The following ZGRF1 variants were observed in gnomAD, a reference collection of about 807,000 sequenced individuals.
ZGRF1 encodes zinc finger GRF-type containing 1.
A neutral mutation model predicts 203.5 loss-of-function variants in ZGRF1; 196 were observed. The observed-to-expected ratio is 0.96, with a 90% CI of 0.86 to 1.08. ZGRF1 has a LOEUF of 1.08. ZGRF1 is among the 50% of genes least tolerant of loss of function. The pLI, the probability that ZGRF1 is intolerant of heterozygous loss-of-function variation, is 0.00. For synonymous variants in ZGRF1, 809 were observed against 841.3 expected (o/e 0.96, Z 0.66); for missense variants, 2,326 against 2,416.3 (o/e 0.96, Z 0.78).
At position 112,619,345 on chromosome 4, in the gene ZGRF1, C is replaced by T. The variant is rs777784581; in HGVS notation, c.697G>A (p.Val233Met). The T allele has an allele frequency of 1.6e-5, 26 of 1,612,494 alleles. No homozygotes were observed. Among genetic ancestry groups the T allele is most frequent in the Non-Finnish European group, 2.0e-5 (23 of 1,179,278 alleles). ...TGAGATGCCAAACTATCTCTTTTCA[C>T]AGGCTCATTGGTCAGTAAAGAGTCT... ...LSDSLLTNEP[V>M]KRDSLASHYS... is the part of the protein sequence containing the mutation. The change falls in exon 6 of 28, where the codon GTG (valine) becomes ATG (methionine). Residue 233 changes from valine (V) to methionine (M), a missense_variant. By Grantham distance (21) the Val-to-Met change is conservative. Coordinates refer to ENST00000505019, the MANE Select transcript of ZGRF1 (RefSeq NM_018392.5).
chr4:112,587,685 A>G lies in ZGRF1; in HGVS notation c.3372T>C (p.Ser1124=), dbSNP rs756232298. Residue 1124 remains serine (S), a synonymous_variant, in exon 12 of 28, where the codon TCT becomes TCC. Transcript: ENST00000505019. ...EPEDQNETFF[S]EESREVNPGD... is the part of the protein sequence containing the mutation. ...CTGGATTCACTTCCCTAGATTCTTCAGAGAAAAAGGTTTCATTTTGGTCCT... is the reference window on the plus strand; with the variant it reads ...CTGGATTCACTTCCCTAGATTCTTCGGAGAAAAAGGTTTCATTTTGGTCCT... 1.2e-5 allele frequency: 19 copies of G among 1,611,280 alleles called. No homozygotes were observed. In the South Asian group the frequency reaches 1.3e-4, roughly 11 times the overall value.
intron 16 of ZGRF1, among the ~76,000 whole-genome samples, chr4:112,569,790 G>C (rs1229121849): frequency 6.6e-6 from 1 of 151,886 alleles, no homozygotes; most frequent in Non-Finnish European, 1.5e-5. Flanking sequence ...TTAAAATTGA[G>C]ACATATGCTG....
intron 10 of ZGRF1, among the ~76,000 whole-genome samples, chr4:112,599,063 A>G (rs1280428457): frequency 6.6e-6 from 1 of 152,112 alleles, no homozygotes; most frequent in Non-Finnish European, 1.5e-5. Context: ...AAACAAAAAA[A>G]TCAGAGTCAA....
chr4:112,574,852 CCT>C (rs1187649539), intron 16 of ZGRF1, among the ~76,000 whole-genome samples: 3 of 151,912 alleles, frequency 2.0e-5, no homozygotes, highest in South Asian at 2.1e-4. Context: ...ATGGTGAAAC[CCT>C]GTCTCTACTA....
chr4:112,592,828 T>A (rs1748403807), intron 10 of ZGRF1, among the ~76,000 whole-genome samples: 1 of 152,224 alleles, frequency 6.6e-6, no homozygotes, highest in Non-Finnish European at 1.5e-5. Flanking sequence ...GTTGAAGCCT[T>A]AACCTCCAAT....
chr4:112,564,872 T>A (rs1425790267), intron 16 of ZGRF1: 1 of 619,184 alleles, frequency 1.6e-6, no homozygotes. Flanking sequence ...TTCTTTTTAC[T>A]GAATTGTGTT....
intron 14 of ZGRF1, among the ~76,000 whole-genome samples, chr4:112,584,580 T>A (rs961362782): frequency 1.3e-5 from 2 of 152,188 alleles, no homozygotes; most frequent in Non-Finnish European, 2.9e-5. Flanking sequence ...AAAACTCAGA[T>A]GATACATTTT....
At chr4:112,601,387 T>TCTA (rs753695401) in intron 10 of ZGRF1, among the ~76,000 whole-genome samples, 1 of 151,934 alleles carries the variant, frequency 6.6e-6, no homozygotes, top group Non-Finnish European at 1.5e-5. Flanking sequence ...TTAAGCTAGT[T>TCTA]CTAAATGTAT....
At chr4:112,540,395 G>T (rs1737332796) in intron 26 of ZGRF1, among the ~76,000 whole-genome samples, 1 of 126,310 alleles carries the variant, frequency 7.9e-6, no homozygotes, top group Non-Finnish European at 1.8e-5. Context: ...TAATGAAACA[G>T]ATAAAAAATA....
chr4:112,602,682 G>C lies in ZGRF1; in HGVS notation c.2976+842C>G, dbSNP rs142822651. ...AATGGATAAATTGGGATATATTTAT[G>C]CAACAGAATACTACACCAGCAATTA... On this transcript the variant is annotated intron_variant, in intron 10 of 27. Transcript: ENST00000505019. Among the ~76,000 whole-genome samples the C allele has an allele frequency of 5.3e-5, 8 of 152,246 alleles. No homozygotes were observed. The East Asian group carries it at 1.2e-3, about 22-fold the overall frequency.
At chr4:112,558,604 C>A (rs1237816638) in intron 19 of ZGRF1, among the ~76,000 whole-genome samples, 2 of 152,218 alleles carry the variant, frequency 1.3e-5, no homozygotes, top group East Asian at 3.8e-4. Flanking sequence ...AGTGATCCAC[C>A]TGCCTTGGCC....
intron 16 of ZGRF1, among the ~76,000 whole-genome samples, chr4:112,573,185 C>G (rs1223088492): frequency 6.6e-6 from 1 of 151,614 alleles, no homozygotes; most frequent in Non-Finnish European, 1.5e-5. Context: ...CACACACACA[C>G]ACACACACAC....
Position 112,631,979 on chromosome 4 carries a change from G to C in ZGRF1, c.53C>G (p.Ser18Ter), listed in dbSNP as rs770209994. 1 of 1,592,694 alleles carries C rather than the reference G, an allele frequency of 6.3e-7. No individual in the cohort carries two copies. The highest frequency in any genetic ancestry group is 1.2e-5 in the South Asian group (1 of 85,770). ...VLYTHQKMKKSKVWQDGILKI... is the reference protein window; with the variant it reads ...VLYTHQKMKK ...CAGAATTCCATCTTGCCACACTTTTGACTTCTTCATCTTTTGATGAGTATA... is the reference window on the plus strand; with the variant it reads ...CAGAATTCCATCTTGCCACACTTTTCACTTCTTCATCTTTTGATGAGTATA... Residue 18 changes from serine (S) to a stop codon, truncating the protein, a stop_gained, in exon 3 of 28, where the codon TCA becomes TGA. Coordinates refer to ENST00000505019, the MANE Select transcript of ZGRF1 (RefSeq NM_018392.5). LOFTEE classifies it high-confidence loss of function.
In ZGRF1 at chr4:112,587,676, A is replaced by G; in HGVS notation, c.3381T>C (p.Ser1127=). ...AAACATCCCCTGGATTCACTTCCCT[A>G]GATTCTTCAGAGAAAAAGGTTTCAT... ...DQNETFFSEE[S]REVNPGDVSL... Residue 1127 remains serine (S), a synonymous_variant, in exon 12 of 28, where the codon TCT becomes TCC. Coordinates refer to ENST00000505019, the MANE Select transcript of ZGRF1 (RefSeq NM_018392.5). 1 of 1,612,512 alleles carries G rather than the reference A, an allele frequency of 6.2e-7. No individual in the cohort carries two copies. The highest frequency in any genetic ancestry group is 8.5e-7 in the Non-Finnish European group (1 of 1,179,108).
chr4:112,632,019 C>CA lies in ZGRF1; in HGVS notation c.22-10dup. On this transcript the variant is annotated splice_polypyrimidine_tract_variant and intron_variant, in intron 2 of 27. Transcript: ENST00000505019. Reference sequence around the variant, plus strand: ...TGATGAGTATATAGAACCTTATTTCCAAAAATACAAAAGAAATGGTTTCCA... The same window carrying CA: ...TGATGAGTATATAGAACCTTATTTCCAAAAAATACAAAAGAAATGGTTTCCA... 3 of 1,350,758 alleles carry CA rather than the reference C, an allele frequency of 2.2e-6. No individual in the cohort carries two copies. Among genetic ancestry groups the CA allele is most frequent in the Non-Finnish European group, 3.0e-6 (3 of 987,658 alleles). The allele number at this position is 1,350,758 out of a possible 1,614,324, so 83.7% of individuals were successfully genotyped here.
At chr4:112,588,400 A>G (rs1747598187) in intron 11 of ZGRF1, among the ~76,000 whole-genome samples, 1 of 152,140 alleles carries the variant, frequency 6.6e-6, no homozygotes, top group Non-Finnish European at 1.5e-5. Context: ...TGGTTCATTT[A>G]TATGACTATG....
intron 10 of ZGRF1, among the ~76,000 whole-genome samples, chr4:112,602,761 A>G (rs772167365): frequency 2.0e-5 from 3 of 152,238 alleles, no homozygotes; most frequent in Non-Finnish European, 4.4e-5. Context: ...CAGAATTGCA[A>G]TATTAAACAA....
Position 112,617,876 on chromosome 4 carries a change from T to G in ZGRF1, c.2166A>C (p.Lys722Asn). 1 of 1,614,036 alleles carries G rather than the reference T, an allele frequency of 6.2e-7. No individual in the cohort carries two copies. ...TTGAGGGTAAAACATGTTCATCATT[T>G]TTGTCTAAGTCACTTCCCAAAATAA... ...QPFILGSDLD[K>N]NDEHVLPSTS... is the part of the protein sequence containing the mutation. The change falls in exon 6 of 28, where the codon AAA (lysine) becomes AAC (asparagine). Residue 722 changes from lysine to asparagine, a missense_variant. Lys to Asn is a moderately conservative substitution (Grantham distance 94). Coordinates refer to ENST00000505019, the MANE Select transcript of ZGRF1 (RefSeq NM_018392.5).
chr4:112,589,170 A>G (rs1747725605), intron 11 of ZGRF1, among the ~76,000 whole-genome samples: 1 of 152,206 alleles, frequency 6.6e-6, no homozygotes, highest in Admixed American at 6.6e-5. Context: ...GAAAAGAGAA[A>G]AAAAGAAATT....
Sources: allele counts gnomAD v4.1 joint callset (sites outside exome capture counted in the v4.1 genomes callset), GRCh38; gene constraint gnomAD v4.1.1; transcripts MANE v1.5; gene names NCBI Gene and HGNC (gene_info 2026-07-23, HGNC 2026-07-21).